The following UGT2B7 variants were observed in gnomAD, a reference collection of about 807,000 sequenced individuals.
UGT2B7 encodes UDP glucuronosyltransferase family 2 member B7.
In UGT2B7, 51 loss-of-function variants were observed where a neutral mutation model predicts 51.9. The ratio of observed to expected loss-of-function variants is 0.98; its 90% confidence interval spans 0.78 to 1.24. The LOEUF is 1.24. Ranked by LOEUF, UGT2B7 falls within the 50% of genes most tolerant of loss-of-function variation. The pLI is 0.00. For missense variants in UGT2B7, 727 were observed against 628.4 expected, an observed-to-expected ratio of 1.16 and a Z score of -1.68; for synonymous variants, 225 against 211.6, an observed-to-expected ratio of 1.06 and a Z score of -0.55.
intron 2 of UGT2B7, among the ~76,000 whole-genome samples, chr4:69,099,596 A>G (rs530881672): frequency 6.6e-6 from 1 of 152,180 alleles, no homozygotes; most frequent in East Asian, 1.9e-4. Flanking sequence ...GAAAGTTGAT[A>G]GAAATCATTA....
At chr4:69,052,569 C>CA (rs1204317464) in intron 1 of UGT2B7, among the ~76,000 whole-genome samples, 10,849 of 64,662 alleles carry the variant, frequency 0.17, 814 homozygotes, top group Admixed American at 0.25. Context: ...TGGTTATCTT[C>CA]AAAAAAAAAA....
At chr4:69,064,464 C>G (rs1718445313) in intron 1 of UGT2B7, among the ~76,000 whole-genome samples, 1 of 152,214 alleles carries the variant, frequency 6.6e-6, no homozygotes, top group African/African-American at 2.4e-5. Flanking sequence ...GTCTGGGCAC[C>G]TAGTGAAGGT....
intron 4 of UGT2B7, 30 bp from the exon 5 acceptor site, chr4:69,108,073 G>A (rs369679234): frequency 3.1e-6 from 5 of 1,607,386 alleles, no homozygotes; most frequent in Admixed American, 1.7e-5. Flanking sequence ...ATTCCTATGA[G>A]TAATTTTGCT....
chr4:69,102,723 C>G, intron 2 of UGT2B7, 84 bp from the exon 3 acceptor site: 1 of 1,538,902 alleles, frequency 6.5e-7, no homozygotes, highest in Non-Finnish European at 8.7e-7. Context: ...TGGATTTTCT[C>G]TCTTTAGTAA....
chr4:69,084,540 G>C (rs1718906975), intron 1 of UGT2B7, among the ~76,000 whole-genome samples: 1 of 151,990 alleles, frequency 6.6e-6, no homozygotes, highest in Non-Finnish European at 1.5e-5. Flanking sequence ...ATGGTGGTTT[G>C]CTGCACCCAT....
In UGT2B7 at chr4:69,108,106, A is replaced by T; in HGVS notation, c.1094A>T (p.His365Leu). 2 of 1,613,462 alleles carry T rather than the reference A, an allele frequency of 1.2e-6. No homozygotes were observed. Among genetic ancestry groups the T allele is most frequent in the Non-Finnish European group, 1.7e-6 (2 of 1,179,528 alleles). ...KWIPQNDLLG[H>L]PKTRAFITHG... Reference sequence around the variant, plus strand: ...GCTAAAATTCATCCAATCCTAGGTCATCCAAAGACCAGAGCTTTTATAACT... The same window carrying T: ...GCTAAAATTCATCCAATCCTAGGTCTTCCAAAGACCAGAGCTTTTATAACT... Residue 365 changes from histidine (H) to leucine (L), a missense_variant, in exon 5 of 6, where the codon CAT (histidine) becomes CTT (leucine). Physicochemically the swap from His to Leu is moderately conservative, Grantham distance 99 (BLOSUM62 -3). Coordinates refer to ENST00000305231, the MANE Select transcript of UGT2B7 (RefSeq NM_001074.4).
At position 69,078,040 on chromosome 4, in the gene UGT2B7, G is replaced by GT. The variant is rs981131733; in HGVS notation, c.-158-11424dup. Among the ~76,000 whole-genome samples the GT allele has an allele frequency of 1.8e-4, 28 of 151,666 alleles. No homozygotes were observed. The East Asian group carries it at 2.5e-3, about 14-fold the overall frequency. On this transcript the variant is annotated intron_variant, in intron 1 of 5. Transcript: ENST00000502942. ...TTTCTGGATCTATTGAGACAATCATGTTTTTTTTGGTTTGTTTTTTGTTTT... is the reference window on the plus strand; with the variant it reads ...TTTCTGGATCTATTGAGACAATCATGTTTTTTTTTGGTTTGTTTTTTGTTTT...
At chr4:69,054,355 C>A (rs1293564058) in intron 1 of UGT2B7, among the ~76,000 whole-genome samples, 1 of 152,136 alleles carries the variant, frequency 6.6e-6, no homozygotes, top group African/African-American at 2.4e-5. Context: ...CAGCAATGGC[C>A]CTGTTACCAC....
At chr4:69,065,765 G>T (rs1718468158) in intron 1 of UGT2B7, among the ~76,000 whole-genome samples, 1 of 152,062 alleles carries the variant, frequency 6.6e-6, no homozygotes, top group African/African-American at 2.4e-5. Flanking sequence ...CCATTTGATT[G>T]TTTTGTAAAT....
intron 3 of UGT2B7, among the ~76,000 whole-genome samples, chr4:69,104,756 G>A (rs1235810882): frequency 6.6e-6 from 1 of 152,078 alleles, no homozygotes; most frequent in Non-Finnish European, 1.5e-5. Context: ...ATTCCTTAGG[G>A]CACTGTACAC....
intron 2 of UGT2B7, 23 bp downstream of exon 2, chr4:69,098,711 T>C: frequency 6.2e-7 from 1 of 1,602,458 alleles, no homozygotes; most frequent in South Asian, 1.1e-5. Flanking sequence ...TTGTTGGTTT[T>C]ATTTTGTTGG....
intron 1 of UGT2B7, among the ~76,000 whole-genome samples, chr4:69,067,955 C>G (rs960493096): frequency 3.9e-5 from 6 of 152,028 alleles, no homozygotes; most frequent in Non-Finnish European, 4.4e-5. Context: ...ACAGTACTGA[C>G]TAATTTTCAG....
intron 1 of UGT2B7, among the ~76,000 whole-genome samples, chr4:69,074,765 C>T (rs1162550883): frequency 2.6e-5 from 4 of 152,054 alleles, no homozygotes; most frequent in Non-Finnish European, 4.4e-5. Flanking sequence ...TTGGTTTCCT[C>T]CCAAAAGTCA....
Position 69,112,780 on chromosome 4 carries a change from ACTT to A in UGT2B7, c.*46_*48del, listed in dbSNP as rs1292915092. On this transcript the variant is annotated 3_prime_UTR_variant, in exon 6 of 6. Coordinates refer to ENST00000305231, the MANE Select transcript of UGT2B7 (RefSeq NM_001074.4). ...GCTGGAAAACCTGATAGGTGAGACTACTTCAGTTTATTCCAGCAAGAAAGATTG... is the reference window on the plus strand; with the variant it reads ...GCTGGAAAACCTGATAGGTGAGACTACAGTTTATTCCAGCAAGAAAGATTG... 15 of 1,583,598 alleles carry A rather than the reference ACTT, an allele frequency of 9.5e-6. No individual in the cohort carries two copies. The highest frequency in any genetic ancestry group is 1.3e-5 in the Non-Finnish European group (15 of 1,166,968).
intron 2 of UGT2B7, among the ~76,000 whole-genome samples, chr4:69,101,432 C>G (rs578136274): frequency 4.3e-4 from 65 of 151,770 alleles, no homozygotes; most frequent in African/African-American, 1.5e-3. Context: ...ACAACCAGTC[C>G]ATATCAGTGA....
At chr4:69,088,372 T>C (rs563715866) in intron 1 of UGT2B7, among the ~76,000 whole-genome samples, 10 of 152,050 alleles carry the variant, frequency 6.6e-5, no homozygotes, top group Non-Finnish European at 1.5e-4. Context: ...TCTATTCATA[T>C]GTGCTGTGAT....
chr4:69,112,086 C>T (rs187019931), intron 5 of UGT2B7, among the ~76,000 whole-genome samples: 7 of 152,238 alleles, frequency 4.6e-5, no homozygotes, highest in African/African-American at 1.7e-4. Flanking sequence ...AGTGCCACAC[C>T]CTGTGCCTGA....
At chr4:69,075,450 C>T (rs1366703351) in intron 1 of UGT2B7, among the ~76,000 whole-genome samples, 3 of 152,000 alleles carry the variant, frequency 2.0e-5, no homozygotes, top group African/African-American at 7.2e-5. Context: ...CTTTGGAGCC[C>T]AGTGTCACAC....
chr4:69,096,770 A>C lies in UGT2B7; in HGVS notation c.250A>C (p.Thr84Pro). The stretch of plus-strand genomic sequence containing the variant: ...AATTTATCCCACATCTTTAACTAAA[A>C]CTGAGTTGGAGAATTTCATCATGCA... ...IEIYPTSLTK[T>P]ELENFIMQQI... Residue 84 changes from threonine (T) to proline (P), a missense_variant, in exon 1 of 6, where the codon ACT becomes CCT. Thr to Pro is a conservative substitution (Grantham distance 38). Coordinates refer to ENST00000305231, the MANE Select transcript of UGT2B7 (RefSeq NM_001074.4). The C allele has an allele frequency of 6.2e-7, 1 of 1,614,036 alleles. No homozygotes were observed. The highest frequency in any genetic ancestry group is 8.5e-7 in the Non-Finnish European group (1 of 1,179,924).
Sources: allele counts gnomAD v4.1 joint callset (sites outside exome capture counted in the v4.1 genomes callset), GRCh38; gene constraint gnomAD v4.1.1; transcripts MANE v1.5; gene names NCBI Gene and HGNC (gene_info 2026-07-23, HGNC 2026-07-21).